The following CTNNA3 variants were observed in gnomAD, a reference collection of about 807,000 sequenced individuals.
CTNNA3 encodes catenin alpha 3, also known as catenin alpha-3.
In CTNNA3, 76 loss-of-function variants were observed where a neutral mutation model predicts 95.7. The ratio of observed to expected loss-of-function variants is 0.79; its 90% CI spans 0.66 to 0.96. The LOEUF is 0.96. Among genes scored for constraint, CTNNA3 ranks in the 40% least tolerant of loss-of-function variants. The pLI is 0.00. For missense variants in CTNNA3, 1,191 were observed against 1,089.8 expected (o/e 1.09, Z -1.31); for synonymous variants, 431 against 374.4 (o/e 1.15, Z -1.74).
At chr10:65,948,058 A>T (rs923495151) in intron 17 of CTNNA3, among the ~76,000 whole-genome samples, 1 of 152,150 alleles carries the variant, frequency 6.6e-6, no homozygotes, top group African/African-American at 2.4e-5. Context: ...TGGGCGGATC[A>T]CGAGGTCAGG....
intron 15 of CTNNA3, among the ~76,000 whole-genome samples, chr10:65,992,279 T>C (rs908290976): frequency 6.6e-5 from 10 of 152,078 alleles, no homozygotes; most frequent in Non-Finnish European, 1.5e-4. Context: ...ATAGGGAGAA[T>C]TCCCTCCTCT....
intron 1 of CTNNA3, among the ~76,000 whole-genome samples, chr10:67,718,010 G>A (rs1045261516): frequency 3.3e-5 from 5 of 152,088 alleles, no homozygotes; most frequent in African/African-American, 1.2e-4. Flanking sequence ...ATGGTTTATA[G>A]TTCTCCTTGA....
chr10:66,055,793 G>A (rs1238942903), intron 15 of CTNNA3, among the ~76,000 whole-genome samples: 1 of 151,848 alleles, frequency 6.6e-6, no homozygotes, highest in Non-Finnish European at 1.5e-5. Context: ...ATGGTGGTAT[G>A]CACCTGTAAT....
chr10:66,985,306 T>C (rs1850668530), intron 7 of CTNNA3, among the ~76,000 whole-genome samples: 1 of 152,194 alleles, frequency 6.6e-6, no homozygotes, highest in African/African-American at 2.4e-5. Flanking sequence ...TGCAGAATTC[T>C]GTACTACAAG....
intron 12 of CTNNA3, among the ~76,000 whole-genome samples, chr10:66,370,285 T>C (rs1024654795): frequency 6.6e-6 from 1 of 152,150 alleles, no homozygotes; most frequent in Non-Finnish European, 1.5e-5. Flanking sequence ...AAATTAGCTG[T>C]CTTTGCAGCT....
intron 11 of CTNNA3, among the ~76,000 whole-genome samples, chr10:66,518,120 C>G (rs539075999): frequency 6.2e-4 from 94 of 152,154 alleles, no homozygotes; most frequent in African/African-American, 2.2e-3. Context: ...ATTTAAGTAA[C>G]CTTTACATGA....
intron 7 of CTNNA3, among the ~76,000 whole-genome samples, chr10:67,064,578 C>T (rs1210311381): frequency 6.6e-6 from 1 of 152,060 alleles, no homozygotes; most frequent in Non-Finnish European, 1.5e-5. Context: ...TGACTCTTCC[C>T]CTTAGTCATC....
At chr10:66,679,942 T>C (rs1847006358) in intron 9 of CTNNA3, among the ~76,000 whole-genome samples, 1 of 152,164 alleles carries the variant, frequency 6.6e-6, no homozygotes. Flanking sequence ...TACTGTGAGC[T>C]GAGAAAAATT....
intron 5 of CTNNA3, among the ~76,000 whole-genome samples, chr10:67,255,636 G>A (rs1866319312): frequency 6.6e-6 from 1 of 152,082 alleles, no homozygotes; most frequent in Admixed American, 6.6e-5. Flanking sequence ...CATATTAACT[G>A]TTCAAGTTAA....
At chr10:67,253,241 T>C (rs936087082) in intron 5 of CTNNA3, among the ~76,000 whole-genome samples, 1 of 152,158 alleles carries the variant, frequency 6.6e-6, no homozygotes, top group African/African-American at 2.4e-5. Flanking sequence ...AGCATAGATG[T>C]GCTAGAGGAA....
chr10:67,309,963 T>C (rs1840719368), intron 5 of CTNNA3, among the ~76,000 whole-genome samples: 2 of 152,232 alleles, frequency 1.3e-5, no homozygotes, highest in South Asian at 4.2e-4. Flanking sequence ...AGCAACTAAA[T>C]AGATGTTTCT....
intron 12 of CTNNA3, among the ~76,000 whole-genome samples, chr10:66,368,822 T>G (rs1029196749): frequency 6.6e-6 from 1 of 152,164 alleles, no homozygotes; most frequent in Non-Finnish European, 1.5e-5. Flanking sequence ...CTTTAATTCC[T>G]CTTTTTACAT....
intron 10 of CTNNA3, among the ~76,000 whole-genome samples, chr10:66,597,478 G>T (rs1245862673): frequency 7.6e-6 from 1 of 131,866 alleles, no homozygotes; most frequent in Non-Finnish European, 1.6e-5. Flanking sequence ...GGAGTTAAAG[G>T]TCAGCCTGGT....
Position 66,157,916 on chromosome 10 carries a change from A to C in CTNNA3, c.1885-54667T>G, listed in dbSNP as rs192304806. On this transcript the variant is annotated intron_variant, in intron 13 of 17. Coordinates refer to ENST00000433211, the MANE Select transcript of CTNNA3 (RefSeq NM_013266.4). ...ATTTGCATTTTCCTGATCATTAGTGATGTTGAGCATTTTTTCATATGTTTG... is the reference window on the plus strand; with the variant it reads ...ATTTGCATTTTCCTGATCATTAGTGCTGTTGAGCATTTTTTCATATGTTTG... Among the ~76,000 whole-genome samples the C allele has an allele frequency of 4.5e-4, 68 of 152,052 alleles. 2 individuals are homozygous for C. The highest frequency in any genetic ancestry group is 1.6e-3 in the African/African-American group (66 of 41,492).
At chr10:67,094,719 T>A (rs1326880517) in intron 7 of CTNNA3, among the ~76,000 whole-genome samples, 1 of 151,690 alleles carries the variant, frequency 6.6e-6, no homozygotes, top group Non-Finnish European at 1.5e-5. Context: ...TTTTATATAT[T>A]AAAAAATTAT....
intron 9 of CTNNA3, among the ~76,000 whole-genome samples, chr10:66,735,913 T>C (rs1310042810): frequency 6.6e-6 from 1 of 152,196 alleles, no homozygotes; most frequent in Non-Finnish European, 1.5e-5. Context: ...AAATAGGGGC[T>C]TTATGGAGCA....
At chr10:66,286,628 T>C (rs923837886) in intron 12 of CTNNA3, among the ~76,000 whole-genome samples, 5 of 151,716 alleles carry the variant, frequency 3.3e-5, no homozygotes, top group African/African-American at 4.8e-5. Flanking sequence ...AAGTCTAGAG[T>C]AAAAAGGTGC....
intron 7 of CTNNA3, among the ~76,000 whole-genome samples, chr10:66,951,997 T>C (rs553556915): frequency 2.0e-5 from 3 of 152,302 alleles, no homozygotes; most frequent in African/African-American, 7.2e-5. Flanking sequence ...CTAGTGACCT[T>C]GACAAATTGG....
intron 5 of CTNNA3, among the ~76,000 whole-genome samples, chr10:67,358,661 C>G (rs1240587515): frequency 6.6e-6 from 1 of 152,004 alleles, no homozygotes; most frequent in Admixed American, 6.6e-5. Context: ...ATCAACAGAC[C>G]ACCCATAGAC....
Sources: gnomAD v4.1 joint callset for allele counts (sites outside exome capture counted in the v4.1 genomes callset) on GRCh38, gnomAD v4.1.1 for gene constraint, MANE v1.5 for transcripts, NCBI Gene and HGNC (gene_info 2026-07-23, HGNC 2026-07-21) for gene names.